The following ARFGEF1 variants were observed in gnomAD, a reference collection of about 807,000 sequenced individuals.
ARFGEF1 encodes brefeldin A-inhibited guanine nucleotide-exchange protein 1.
In ARFGEF1, 42 loss-of-function variants were observed where a neutral mutation model predicts 231.0. That is an observed-to-expected ratio of 0.18 (90% CI 0.14 to 0.24). The LOEUF (loss-of-function observed/expected upper bound fraction) is 0.24. ARFGEF1 is among the 10% of genes least tolerant of loss of function. ARFGEF1 has a pLI of 1.00. For missense variants in ARFGEF1, 1,345 were observed against 2,192.0 expected (o/e 0.61, Z 7.72); for synonymous variants, 710 against 732.3 (o/e 0.97, Z 0.49).
At chr8:67,322,024 TC>T (rs1447041575) in intron 1 of ARFGEF1, among the ~76,000 whole-genome samples, 1 of 152,134 alleles carries the variant, frequency 6.6e-6, no homozygotes, top group African/African-American at 2.4e-5. Context: ...ACATTGTAAA[TC>T]CCCTGTAAAG....
At position 67,271,755 on chromosome 8, in the gene ARFGEF1, T is replaced by C. The variant is rs1187817028; in HGVS notation, c.1519A>G (p.Ile507Val). 1.2e-6 allele frequency: 2 copies of C among 1,613,640 alleles called. No homozygotes were observed. Among genetic ancestry groups the C allele is most frequent in the South Asian group, 1.1e-5 (1 of 91,032 alleles). Residue 507 changes from isoleucine (I) to valine (V), a missense_variant, in exon 10 of 39, where the codon ATA (isoleucine) becomes GTA (valine). By Grantham distance (29) the Ile-to-Val change is conservative (BLOSUM62 3). Coordinates refer to ENST00000262215, the MANE Select transcript of ARFGEF1 (RefSeq NM_006421.5). ...AAATTTGACAACAAAGTAAGAAATA[T>C]AGAAAGAGAAAGCTCAAAAACCTCT... Reference protein sequence around the residue: ...VPEVFELSLSIFLTLLSNFKT... With the variant: ...VPEVFELSLSVFLTLLSNFKT...
At chr8:67,259,972 A>T (rs1840588339) in intron 14 of ARFGEF1, 46 bp from the exon 15 acceptor site, 1 of 1,342,542 alleles carries the variant, frequency 7.4e-7, no homozygotes, top group Non-Finnish European at 1.0e-6. Flanking sequence ...AACCATTCGT[A>T]GTCCCTGAAA....
intron 4 of ARFGEF1, among the ~76,000 whole-genome samples, chr8:67,297,440 G>A (rs564473613): frequency 3.9e-5 from 6 of 152,204 alleles, no homozygotes; most frequent in Admixed American, 2.0e-4. Context: ...GTAGCTGGGC[G>A]TAAGTGCCAT....
chr8:67,216,570 C>T lies in ARFGEF1; in HGVS notation c.4686+20G>A. ...ATCACAAATAACTAATTTCAATATA[C>T]TTTACTGATTAAAACTTACCAATGG... On this transcript the variant is annotated intron_variant, in intron 33 of 38. Transcript: ENST00000262215. 1 of 1,585,004 alleles carries T rather than the reference C, an allele frequency of 6.3e-7. No individual in the cohort carries two copies.
chr8:67,216,063 G>T (rs774296667), intron 33 of ARFGEF1, among the ~76,000 whole-genome samples: 121 of 151,952 alleles, frequency 8.0e-4, no homozygotes, highest in Non-Finnish European at 1.5e-3. Flanking sequence ...CTCCCTTCAT[G>T]GCACTTAACA....
chr8:67,207,859 T>C (rs1838577086), intron 34 of ARFGEF1, among the ~76,000 whole-genome samples: 1 of 152,142 alleles, frequency 6.6e-6, no homozygotes, highest in African/African-American at 2.4e-5. Flanking sequence ...CGCCTAAAAG[T>C]CTTCCAGGGG....
chr8:67,219,320 T>G, intron 30 of ARFGEF1, 111 bp downstream of exon 30: 1 of 1,330,428 alleles, frequency 7.5e-7, no homozygotes, highest in East Asian at 2.7e-5. Context: ...TAAAGAAAAA[T>G]TTTCTAGGAA....
chr8:67,194,700 AAG>A (rs1239035267), downstream of ARFGEF1, among the ~76,000 whole-genome samples: 1 of 136,760 alleles, frequency 7.3e-6, no homozygotes, highest in African/African-American at 2.5e-5. Flanking sequence ...AAAAAAAAAA[AAG>A]AATATGATAT....
At chr8:67,279,587 A>T (rs1321272950) in intron 7 of ARFGEF1, among the ~76,000 whole-genome samples, 1 of 152,132 alleles carries the variant, frequency 6.6e-6, no homozygotes, top group Non-Finnish European at 1.5e-5. Context: ...ATATTATTTG[A>T]TATTACTTTC....
intron 22 of ARFGEF1, among the ~76,000 whole-genome samples, chr8:67,237,737 A>G (rs920391158): frequency 3.9e-5 from 6 of 152,254 alleles, no homozygotes; most frequent in Non-Finnish European, 7.3e-5. Flanking sequence ...CTTACACATA[A>G]TAAGGAAAAA....
chr8:67,206,494 C>T (rs937375491), intron 34 of ARFGEF1, among the ~76,000 whole-genome samples: 1 of 151,878 alleles, frequency 6.6e-6, no homozygotes, highest in Non-Finnish European at 1.5e-5. Flanking sequence ...AAGTGCCACC[C>T]ATGTTCCCCT....
intron 7 of ARFGEF1, among the ~76,000 whole-genome samples, chr8:67,280,688 T>C (rs908410700): frequency 5.9e-5 from 9 of 152,204 alleles, no homozygotes; most frequent in Non-Finnish European, 1.3e-4. Flanking sequence ...CAAGGGCCAC[T>C]AGAGCCATAC....
intron 5 of ARFGEF1, among the ~76,000 whole-genome samples, chr8:67,294,446 G>A (rs1400679284): frequency 6.6e-6 from 1 of 152,092 alleles, no homozygotes; most frequent in Non-Finnish European, 1.5e-5. Context: ...ATAATATTTT[G>A]AATGGATAAG....
chr8:67,301,473 G>C, intron 2 of ARFGEF1, 93 bp from the exon 3 acceptor site: 1 of 1,372,176 alleles, frequency 7.3e-7, no homozygotes, highest in Non-Finnish European at 9.9e-7. Context: ...GTTCTAAAAG[G>C]AATCTTGCTA....
intron 15 of ARFGEF1, 66 bp downstream of exon 15, chr8:67,259,749 T>C: frequency 8.4e-7 from 1 of 1,196,084 alleles, no homozygotes. Context: ...ACCCTGTCTC[T>C]AATAAAAAGA....
At chr8:67,278,500 T>C (rs922523647) in intron 7 of ARFGEF1, among the ~76,000 whole-genome samples, 2 of 152,162 alleles carry the variant, frequency 1.3e-5, no homozygotes, top group African/African-American at 2.4e-5. Context: ...AGCTTCTGGT[T>C]CCCCTACCCA....
chr8:67,315,398 G>A (rs913392178), intron 1 of ARFGEF1, among the ~76,000 whole-genome samples: 4 of 152,010 alleles, frequency 2.6e-5, no homozygotes, highest in African/African-American at 7.2e-5. Context: ...ACCATCAATC[G>A]GCAGGGTATA....
chr8:67,326,376 T>C (rs1270512871), intron 1 of ARFGEF1, among the ~76,000 whole-genome samples: 3 of 152,216 alleles, frequency 2.0e-5, no homozygotes, highest in Non-Finnish European at 4.4e-5. Flanking sequence ...AGTAAATCTA[T>C]ACTGGTTAAC....
chr8:67,239,442 G>A (rs903989637), intron 20 of ARFGEF1, among the ~76,000 whole-genome samples: 1 of 151,832 alleles, frequency 6.6e-6, no homozygotes, highest in Non-Finnish European at 1.5e-5. Context: ...ATTTTAAGAT[G>A]ATGCATGAAG....
Sources: gnomAD v4.1 joint callset for allele counts (sites outside exome capture counted in the v4.1 genomes callset) on GRCh38, gnomAD v4.1.1 for gene constraint, MANE v1.5 for transcripts, NCBI Gene and HGNC (gene_info 2026-07-23, HGNC 2026-07-21) for gene names.